CECR2: variants seen among roughly 807,000 people sequenced by gnomAD.
The protein encoded by CECR2 is CECR2 histone acetyl-lysine reader.
CECR2 carries 30 observed loss-of-function variants against 154.5 expected under a neutral mutation model. That is an observed-to-expected ratio of 0.19 (90% confidence interval 0.15 to 0.26). The LOEUF is 0.26. Ranked by LOEUF, CECR2 falls within the 10% of genes least tolerant of loss-of-function variation. The pLI, the probability that CECR2 is intolerant of heterozygous loss-of-function variation, is 1.00. For missense variants in CECR2, 1,743 were observed against 1,829.3 expected (o/e 0.95, Z 0.86); for synonymous variants, 725 against 683.7 (o/e 1.06, Z -0.94).
intron 1 of CECR2, chr22:17,419,708 C>CTGTT: frequency 3.3e-6 from 1 of 302,672 alleles, no homozygotes; most frequent in Non-Finnish European, 6.8e-6. Flanking sequence ...CGAGCTGGAG[C>CTGTT]TAGAGAGCTG....
intron 1 of CECR2, among the ~76,000 whole-genome samples, chr22:17,416,693 G>A (rs764126217): frequency 1.8e-4 from 28 of 152,186 alleles, no homozygotes; most frequent in Non-Finnish European, 3.7e-4. Flanking sequence ...GTAGAGACAC[G>A]GTTTCATGAT....
intron 1 of CECR2, among the ~76,000 whole-genome samples, chr22:17,430,305 T>G (rs980868983): frequency 2.0e-5 from 3 of 152,220 alleles, no homozygotes; most frequent in African/African-American, 7.2e-5. Context: ...GGGTTCCTGA[T>G]GAACATTGCA....
intron 1 of CECR2, among the ~76,000 whole-genome samples, chr22:17,421,871 C>CTT (rs759630387): frequency 2.6e-4 from 37 of 140,900 alleles, no homozygotes; most frequent in Middle Eastern, 3.6e-3. Flanking sequence ...ACAAAAAAAA[C>CTT]TTTTTTTTTT....
At chr22:17,439,777 AT>A (rs899738634) in intron 1 of CECR2, among the ~76,000 whole-genome samples, 2 of 152,328 alleles carry the variant, frequency 1.3e-5, no homozygotes, top group Non-Finnish European at 2.9e-5. Flanking sequence ...CTGCCGTGCA[AT>A]GGACAAGGAA....
At chr22:17,455,122 G>T (rs541306810) in intron 1 of CECR2, among the ~76,000 whole-genome samples, 1 of 152,334 alleles carries the variant, frequency 6.6e-6, no homozygotes, top group Non-Finnish European at 1.5e-5. Context: ...CTTGTGGAAT[G>T]CTGAGAAAGG....
intron 1 of CECR2, among the ~76,000 whole-genome samples, chr22:17,402,624 C>T (rs1351883404): frequency 2.6e-5 from 4 of 152,160 alleles, no homozygotes; most frequent in African/African-American, 9.7e-5. Flanking sequence ...CATGTTTAAT[C>T]TCTTATAATC....
intron 1 of CECR2, among the ~76,000 whole-genome samples, chr22:17,405,281 G>A (rs2053963867): frequency 6.6e-6 from 1 of 151,840 alleles, no homozygotes; most frequent in African/African-American, 2.4e-5. Flanking sequence ...GCATGGTGGT[G>A]GACGCCTGTA....
chr22:17,418,766 G>A (rs1330049889), intron 1 of CECR2: 8 of 316,262 alleles, frequency 2.5e-5, no homozygotes, highest in Non-Finnish European at 4.3e-5. Context: ...GTTGGAGAGA[G>A]GGAGGACGGG....
chr22:17,368,447 T>C (rs1329587936), upstream of CECR2, among the ~76,000 whole-genome samples: 1 of 152,156 alleles, frequency 6.6e-6, no homozygotes, highest in Non-Finnish European at 1.5e-5. Flanking sequence ...AATACAAATA[T>C]CTGAGCATTC....
At chr22:17,488,883 C>A (rs115537232) in intron 2 of CECR2, among the ~76,000 whole-genome samples, 1 of 152,170 alleles carries the variant, frequency 6.6e-6, no homozygotes, top group Non-Finnish European at 1.5e-5. Flanking sequence ...CAAACACTTG[C>A]AACATTTACG....
chr22:17,446,677 C>T (rs1245123123), intron 1 of CECR2, among the ~76,000 whole-genome samples: 2 of 152,266 alleles, frequency 1.3e-5, no homozygotes, highest in East Asian at 1.9e-4. Flanking sequence ...GATCCTGCCA[C>T]TGCACTCCAG....
chr22:17,394,703 A>G (rs1418029190), intron 1 of CECR2, among the ~76,000 whole-genome samples: 1 of 152,150 alleles, frequency 6.6e-6, no homozygotes, highest in Admixed American at 6.5e-5. Flanking sequence ...TTTGATAGGG[A>G]TTACATTGAC....
intron 2 of CECR2, among the ~76,000 whole-genome samples, chr22:17,485,005 C>G (rs1246393344): frequency 2.6e-5 from 4 of 152,164 alleles, no homozygotes; most frequent in Admixed American, 2.6e-4. Context: ...AATATAGAAG[C>G]CACATTTCCT....
intron 6 of CECR2, 86 bp from the exon 7 acceptor site, chr22:17,504,761 G>T: frequency 4.0e-6 from 5 of 1,265,340 alleles, no homozygotes; most frequent in Non-Finnish European, 5.6e-6. Context: ...TTTTAGTCAT[G>T]ACCCACAGTA....
chr22:17,397,530 C>T (rs2053829759), intron 1 of CECR2, among the ~76,000 whole-genome samples: 1 of 152,270 alleles, frequency 6.6e-6, no homozygotes, highest in South Asian at 2.1e-4. Flanking sequence ...CGGAGTCTCA[C>T]TCTTTTGCCC....
intron 1 of CECR2, among the ~76,000 whole-genome samples, chr22:17,376,902 CTGGGAT>C (rs968650965): frequency 1.7e-4 from 26 of 152,258 alleles, no homozygotes; most frequent in African/African-American, 5.5e-4. Flanking sequence ...TCCCAAAGTA[CTGGGAT>C]TAAAGGCATG....
chr22:17,397,947 T>C lies in CECR2; in HGVS notation c.126+28038T>C, dbSNP rs193224054. Among the ~76,000 whole-genome samples, 917 of 152,310 alleles carry C rather than the reference T, an allele frequency of 6.0e-3. 10 individuals are homozygous for C. Among genetic ancestry groups the C allele is most frequent in the South Asian group, 0.021 (99 of 4,818 alleles). On this transcript the variant is annotated intron_variant, in intron 1 of 18. Coordinates refer to ENST00000262608, the MANE Select transcript of CECR2 (RefSeq NM_001290047.2). ...TGGGAAATTCTGTACCATGTCATCA[T>C]CTTTGTCAGTGGTCCTGTTGGATTG...
At chr22:17,450,674 C>T (rs1298092056) in intron 1 of CECR2, among the ~76,000 whole-genome samples, 2 of 152,216 alleles carry the variant, frequency 1.3e-5, no homozygotes, top group East Asian at 3.8e-4. Flanking sequence ...GGATGTACTT[C>T]CTTCTATTTA....
chr22:17,489,973 G>C (rs1296745), intron 2 of CECR2, among the ~76,000 whole-genome samples: 20,360 of 150,464 alleles, frequency 0.14, 1,841 homozygotes, highest in East Asian at 0.48. Context: ...TAAAAAACTT[G>C]TAAATTTCCT....
Sources: allele counts gnomAD v4.1 joint callset (sites outside exome capture counted in the v4.1 genomes callset), GRCh38; gene constraint gnomAD v4.1.1; transcripts MANE v1.5; gene names NCBI Gene and HGNC (gene_info 2026-07-23, HGNC 2026-07-21).